The following ATL1 variants were observed in gnomAD, a reference collection of about 807,000 sequenced individuals.
ATL1 encodes the protein atlastin-1.
A neutral mutation model predicts 75.5 loss-of-function variants in ATL1; 31 were observed. The observed-to-expected ratio is 0.41, with a 90% confidence interval of 0.31 to 0.55. The LOEUF (loss-of-function observed/expected upper bound fraction) is 0.55, where lower values mean the gene tolerates loss of function less well. Among genes scored for constraint, ATL1 ranks in the 20% least tolerant of loss-of-function variants. ATL1 has a pLI of 0.27. For missense variants in ATL1, 405 were observed against 662.6 expected (o/e 0.61, Z 4.27); for synonymous variants, 226 against 233.3 (o/e 0.97, Z 0.28).
At chr14:50,533,548 T>G (rs1871359771) in intron 1 of ATL1, among the ~76,000 whole-genome samples, 1 of 152,184 alleles carries the variant, frequency 6.6e-6, no homozygotes, top group African/African-American at 2.4e-5. Flanking sequence ...TCAGTTCCAG[T>G]CTTGCTCTGA....
chr14:50,564,647 C>CAAAAAAAAAAAAAAA (rs60054322), intron 1 of ATL1, among the ~76,000 whole-genome samples: 24 of 40,004 alleles, frequency 6.0e-4, no homozygotes, highest in African/African-American at 1.4e-3. Flanking sequence ...GATTCCGTCT[C>CAAAAAAAAAAAAAAA]AAAAAAAAAA....
Position 50,628,306 on chromosome 14 carries a change from T to A in ATL1, c.1395T>A (p.Thr465=). Residue 465 remains threonine (T), a synonymous_variant, in exon 12 of 14, where the codon ACT becomes ACA. Coordinates refer to ENST00000358385, the MANE Select transcript of ATL1 (RefSeq NM_015915.5). ...TCACATATGTGATTGCTGGTGTGAC[T>A]GGATTCATTGGTTTGGACATCATAG... ...IFITYVIAGV[T]GFIGLDIIAS... 1.2e-6 allele frequency: 2 copies of A among 1,614,186 alleles called. No individual in the cohort carries two copies. Among genetic ancestry groups the A allele is most frequent in the South Asian group, 2.2e-5 (2 of 91,080 alleles).
chr14:50,627,849 A>G (rs1035845623), intron 11 of ATL1, among the ~76,000 whole-genome samples, 182 bp from the exon 12 acceptor site: 2 of 152,228 alleles, frequency 1.3e-5, no homozygotes, highest in East Asian at 3.8e-4. Context: ...ATAAAATACC[A>G]GTCCCATTTA....
At chr14:50,582,286 G>C (rs910322766) in intron 1 of ATL1, among the ~76,000 whole-genome samples, 9 of 151,414 alleles carry the variant, frequency 5.9e-5, no homozygotes, top group African/African-American at 2.2e-4. Context: ...CTCAACAAAA[G>C]AAATTTAAAT....
intron 1 of ATL1, among the ~76,000 whole-genome samples, chr14:50,575,525 G>T (rs2038997966): frequency 6.6e-6 from 1 of 151,940 alleles, no homozygotes; most frequent in Non-Finnish European, 1.5e-5. Context: ...AAACTCTTTT[G>T]CTGTTACTTT....
At chr14:50,554,386 C>T (rs2038739969) in intron 1 of ATL1, among the ~76,000 whole-genome samples, 1 of 152,172 alleles carries the variant, frequency 6.6e-6, no homozygotes, top group African/African-American at 2.4e-5. Flanking sequence ...CTTGTACGCA[C>T]AAGCCATGGC....
chr14:50,610,461 G>C (rs1174705097), intron 6 of ATL1, among the ~76,000 whole-genome samples: 3 of 152,084 alleles, frequency 2.0e-5, no homozygotes, highest in African/African-American at 7.2e-5. Flanking sequence ...AGGAAATACA[G>C]CAATCCTAAT....
In ATL1 at chr14:50,540,677, G is replaced by A. The variant is rs548818334; in HGVS notation, c.-140+7310G>A. On this transcript the variant is annotated intron_variant, in intron 1 of 13. Coordinates refer to the ATL1 transcript ENST00000441560. ...GTAGAGATTTAAGAAAGTCAAGTGG[G>A]ACTAAAGATCCACTCTGGAGTTATT... Among the ~76,000 whole-genome samples the A allele has an allele frequency of 1.1e-4, 16 of 152,278 alleles. 1 individual carries two copies. The highest frequency in any genetic ancestry group is 3.9e-4 in the African/African-American group (16 of 41,556).
intron 1 of ATL1, among the ~76,000 whole-genome samples, chr14:50,587,209 C>T (rs1185103794): frequency 6.6e-6 from 1 of 151,096 alleles, no homozygotes; most frequent in African/African-American, 2.4e-5. Flanking sequence ...TTTTATTCCT[C>T]TGCTCCAAAA....
At chr14:50,558,203 T>C (rs1019047679), upstream of ATL1, among the ~76,000 whole-genome samples, 1 of 151,998 alleles carries the variant, frequency 6.6e-6, no homozygotes, top group Admixed American at 6.6e-5. Flanking sequence ...CGTCTCTACA[T>C]ACAAAAACAG....
chr14:50,599,405 T>C (rs1419047314), intron 6 of ATL1, among the ~76,000 whole-genome samples: 2 of 152,122 alleles, frequency 1.3e-5, no homozygotes, highest in East Asian at 3.8e-4. Flanking sequence ...AAGTAGAACA[T>C]GGAGATAATA....
At chr14:50,589,974 C>T (rs1439109225) in intron 2 of ATL1, among the ~76,000 whole-genome samples, 1 of 152,162 alleles carries the variant, frequency 6.6e-6, no homozygotes, top group African/African-American at 2.4e-5. Context: ...GGGGTAACTA[C>T]TATCAACCAA....
At position 50,578,772 on chromosome 14, in the gene ATL1, T is replaced by A. The variant is rs540815590; in HGVS notation, c.35-9059T>A. On this transcript the variant is annotated intron_variant, in intron 1 of 13. Transcript: ENST00000358385. ...CCCTCATTGATGGACATTTACATTG[T>A]TTCTGGTGTTTTGCATATGTATGAG... is the stretch of plus-strand genomic sequence containing the variant. Among the ~76,000 whole-genome samples the A allele has an allele frequency of 2.8e-4, 43 of 152,334 alleles. No homozygotes were observed. In the South Asian group the frequency reaches 8.5e-3, roughly 30 times the overall value.
In ATL1 at chr14:50,581,055, G is replaced by A. The variant is rs774064828; in HGVS notation, c.35-6776G>A. On this transcript the variant is annotated intron_variant, in intron 1 of 13. Transcript: ENST00000358385. ...GTATCTTTTTTTATATCTAATATGA[G>A]TAATTTGTGGGTTTTTTCTCTTATT... Among the ~76,000 whole-genome samples the A allele has an allele frequency of 5.9e-5, 9 of 151,686 alleles. 1 individual carries two copies. The South Asian group carries it at 8.3e-4, about 14-fold the overall frequency.
At chr14:50,573,010 G>A (rs1037035688) in intron 1 of ATL1, among the ~76,000 whole-genome samples, 1 of 152,074 alleles carries the variant, frequency 6.6e-6, no homozygotes, top group Non-Finnish European at 1.5e-5. Context: ...AGCTAATGGG[G>A]TAAAAGCCCC....
intron 8 of ATL1, among the ~76,000 whole-genome samples, chr14:50,617,876 T>C (rs1290183844): frequency 6.6e-6 from 1 of 152,238 alleles, no homozygotes; most frequent in African/African-American, 2.4e-5. Context: ...GCTCACCACC[T>C]ACGTATGTTA....
intron 11 of ATL1, among the ~76,000 whole-genome samples, chr14:50,625,690 C>T (rs1028460088): frequency 1.3e-5 from 2 of 152,052 alleles, no homozygotes; most frequent in Non-Finnish European, 2.9e-5. Context: ...CTTTGGGAGG[C>T]CGAGGTGGGT....
At chr14:50,597,832 C>T (rs1171316417) in intron 6 of ATL1, among the ~76,000 whole-genome samples, 1 of 151,974 alleles carries the variant, frequency 6.6e-6, no homozygotes, top group Admixed American at 6.5e-5. Context: ...GTAGCTGAGA[C>T]TACAGGTGCC....
At chr14:50,560,490 G>T in intron 1 of ATL1, 191 bp downstream of exon 1, 5 of 726,946 alleles carry the variant, frequency 6.9e-6, no homozygotes, top group Non-Finnish European at 2.3e-6. Context: ...TCACCGAATC[G>T]CGCTGTCGGG....
Sources: allele counts gnomAD v4.1 joint callset (sites outside exome capture counted in the v4.1 genomes callset), GRCh38; gene constraint gnomAD v4.1.1; transcripts MANE v1.5; gene names NCBI Gene and HGNC (gene_info 2026-07-23, HGNC 2026-07-21).